The following PLA2G4A variants were observed in gnomAD, a reference collection of about 807,000 sequenced individuals.
The protein encoded by PLA2G4A is phospholipase A2 group IVA, also known as cytosolic phospholipase A2.
Under a neutral mutation model 81.9 loss-of-function variants are expected in PLA2G4A, and 40 were observed. That is an observed-to-expected ratio of 0.49 (90% CI 0.38 to 0.64). The LOEUF (loss-of-function observed/expected upper bound fraction) is 0.64, where lower values mean the gene tolerates loss of function less well. PLA2G4A is among the 30% of genes least tolerant of loss of function. The pLI is 0.00. For missense variants in PLA2G4A, 715 were observed against 905.1 expected, an observed-to-expected ratio of 0.79 and a Z score of 2.69; for synonymous variants, 302 against 296.9, an observed-to-expected ratio of 1.02 and a Z score of -0.18.
At chr1:186,865,874 T>C (rs1323589548) in intron 2 of PLA2G4A, among the ~76,000 whole-genome samples, 2 of 152,280 alleles carry the variant, frequency 1.3e-5, no homozygotes, top group Admixed American at 1.3e-4. Context: ...GAATAGAAAA[T>C]TGTAATTTTG....
chr1:186,967,396 C>T (rs1300988841), intron 15 of PLA2G4A, among the ~76,000 whole-genome samples: 1 of 136,658 alleles, frequency 7.3e-6, no homozygotes, highest in African/African-American at 2.5e-5. Context: ...GGACCAGACT[C>T]CAAAGCTACA....
At chr1:186,894,287 A>C in intron 5 of PLA2G4A, 76 bp downstream of exon 5, 1 of 747,430 alleles carries the variant, frequency 1.3e-6, no homozygotes, top group East Asian at 2.5e-5. Context: ...TGGGTTTAAC[A>C]CTTGGAAAAT....
chr1:186,949,282 G>A (rs1656450002), intron 12 of PLA2G4A, among the ~76,000 whole-genome samples: 1 of 135,612 alleles, frequency 7.4e-6, no homozygotes, highest in Non-Finnish European at 1.6e-5. Context: ...AAGAAAGAAA[G>A]AAGAAAAAGA....
At chr1:186,980,190 C>T (rs1048369036) in intron 17 of PLA2G4A, among the ~76,000 whole-genome samples, 49 of 152,258 alleles carry the variant, frequency 3.2e-4, no homozygotes, top group African/African-American at 1.1e-3. Context: ...CCGCCCGCCT[C>T]GGCCTTCCTA....
intron 2 of PLA2G4A, among the ~76,000 whole-genome samples, chr1:186,869,842 A>G (rs1365965312): frequency 1.3e-5 from 2 of 152,238 alleles, no homozygotes; most frequent in Non-Finnish European, 2.9e-5. Flanking sequence ...TGAAGTGTCT[A>G]ATGAAGTCCT....
intron 3 of PLA2G4A, among the ~76,000 whole-genome samples, chr1:186,880,240 G>A (rs947447483): frequency 1.3e-5 from 2 of 151,910 alleles, no homozygotes; most frequent in Non-Finnish European, 2.9e-5. Context: ...GATTGAGATG[G>A]GCTTTATAAC....
intron 1 of PLA2G4A, among the ~76,000 whole-genome samples, chr1:186,832,950 A>C (rs1475470486): frequency 1.3e-5 from 2 of 152,140 alleles, no homozygotes; most frequent in South Asian, 4.1e-4. Flanking sequence ...TACATAGAAA[A>C]ATGAGAGCAA....
intron 3 of PLA2G4A, among the ~76,000 whole-genome samples, chr1:186,872,477 C>T (rs372522158): frequency 4.0e-4 from 61 of 152,188 alleles, no homozygotes; most frequent in African/African-American, 1.4e-3. Flanking sequence ...TTCAAAAATA[C>T]AGCTATTATC....
chr1:186,929,533 A>G (rs1655664572), intron 7 of PLA2G4A, among the ~76,000 whole-genome samples: 1 of 152,168 alleles, frequency 6.6e-6, no homozygotes, highest in Admixed American at 6.5e-5. Flanking sequence ...TCAATATATC[A>G]AGATCAATAT....
intron 5 of PLA2G4A, among the ~76,000 whole-genome samples, chr1:186,899,978 T>G (rs1488356230): frequency 6.6e-6 from 1 of 152,020 alleles, no homozygotes. Context: ...ATTCAGCTCT[T>G]TCTTAGACTT....
intron 15 of PLA2G4A, among the ~76,000 whole-genome samples, chr1:186,973,174 G>A (rs565074784): frequency 7.9e-5 from 12 of 152,238 alleles, no homozygotes; most frequent in Admixed American, 2.0e-4. Context: ...TCACAGTTTC[G>A]GAGGGCAGAA....
rs1657096963 is a variant in PLA2G4A at position 186,965,468 on chromosome 1, G to T, written c.1639G>T (p.Val547Leu). ...GGATGTCAAAAGTAAAAAGATTCAT[G>T]TAGTGGACAGTGGGCTCACATTTAA... ...PLDVKSKKIH[V>L]VDSGLTFNLP... is the part of the protein sequence containing the mutation. The change falls in exon 15 of 18, where the codon GTA becomes TTA. Residue 547 changes from valine to leucine, a missense_variant. By Grantham distance (32) the Val-to-Leu change is conservative. Transcript: ENST00000367466. 6.2e-7 allele frequency: 1 copy of T among 1,610,858 alleles called. No individual in the cohort carries two copies. The highest frequency in any genetic ancestry group is 1.7e-5 in the Admixed American group (1 of 59,994).
At chr1:186,962,222 T>C (rs1249497184) in intron 14 of PLA2G4A, among the ~76,000 whole-genome samples, 2 of 152,106 alleles carry the variant, frequency 1.3e-5, no homozygotes, top group Admixed American at 1.3e-4. Context: ...TCTCTTACTG[T>C]GCCTAATTTA....
chr1:186,903,558 T>C (rs534269902), intron 5 of PLA2G4A, among the ~76,000 whole-genome samples: 1 of 152,328 alleles, frequency 6.6e-6, no homozygotes, highest in East Asian at 1.9e-4. Context: ...CTCGCATTGC[T>C]GCTCCGCCTC....
rs1651554125 is a variant in PLA2G4A, at chr1:186,830,976, TTCTTTC to T, written c.-70+1943_-70+1948del. ...TTGCTTGCTTTCTTTCTTTCTTTCT[TTCTTTC>T]TTTCTTTCTTTCTTTCTTTCTTTCT... On this transcript the variant is annotated intron_variant, in intron 1 of 17. Coordinates refer to ENST00000367466, the MANE Select transcript of PLA2G4A (RefSeq NM_024420.3). Among the ~76,000 whole-genome samples, 8 of 131,590 alleles carry T rather than the reference TTCTTTC, an allele frequency of 6.1e-5. No homozygotes were observed. In the Admixed American group the frequency reaches 6.2e-4, roughly 10 times the overall value. 86.3% of individuals were successfully genotyped at this position (131,590 alleles called of 152,430 possible).
intron 8 of PLA2G4A, among the ~76,000 whole-genome samples, chr1:186,936,879 C>A (rs1446429048): frequency 1.3e-5 from 2 of 151,914 alleles, no homozygotes; most frequent in Non-Finnish European, 2.9e-5. Context: ...AAGTCCCTTT[C>A]ACTCATTAAT....
chr1:186,965,325 C>A, intron 14 of PLA2G4A, 84 bp from the exon 15 acceptor site: 4 of 1,087,944 alleles, frequency 3.7e-6, no homozygotes, highest in Non-Finnish European at 4.1e-6. Flanking sequence ...GAAATTCTTT[C>A]AAATTTGAAA....
chr1:186,860,829 G>A (rs984447249), intron 2 of PLA2G4A, among the ~76,000 whole-genome samples: 6 of 152,082 alleles, frequency 3.9e-5, no homozygotes, highest in Non-Finnish European at 5.9e-5. Flanking sequence ...TTATGTTTCC[G>A]TTCTCAAATT....
At chr1:186,883,947 TG>T (rs927552565) in intron 3 of PLA2G4A, among the ~76,000 whole-genome samples, 3 of 152,140 alleles carry the variant, frequency 2.0e-5, no homozygotes, top group Admixed American at 2.0e-4. Context: ...AGAAAAGATC[TG>T]GAAGAATTGT....
Sources: allele counts gnomAD v4.1 joint callset (sites outside exome capture counted in the v4.1 genomes callset), GRCh38; gene constraint gnomAD v4.1.1; transcripts MANE v1.5; gene names NCBI Gene and HGNC (gene_info 2026-07-23, HGNC 2026-07-21).